The following NEK7 variants were observed in gnomAD, a reference collection of about 807,000 sequenced individuals.
NEK7 encodes serine/threonine-protein kinase Nek7.
In NEK7, 18 loss-of-function variants were observed where a neutral mutation model predicts 44.6. The ratio of observed to expected loss-of-function variants is 0.40; its 90% CI spans 0.28 to 0.60. The LOEUF is 0.60. Among genes scored for constraint, NEK7 ranks in the 20% least tolerant of loss-of-function variants. The pLI is 0.38. For synonymous variants in NEK7, 130 were observed against 121.1 expected (o/e 1.07, Z -0.48); for missense variants, 256 against 366.5 (o/e 0.70, Z 2.46).
intron 1 of NEK7, among the ~76,000 whole-genome samples, chr1:198,213,906 A>C (rs948867275): frequency 6.6e-6 from 1 of 152,190 alleles, no homozygotes; most frequent in Non-Finnish European, 1.5e-5. Context: ...AACCCAGTGT[A>C]TAAAATATTG....
chr1:198,280,547 C>T (rs1385094844), intron 7 of NEK7, among the ~76,000 whole-genome samples: 2 of 151,866 alleles, frequency 1.3e-5, no homozygotes, highest in Admixed American at 1.3e-4. Flanking sequence ...CTGATACTGC[C>T]TCTTGTAAAA....
At chr1:198,317,293 C>G (rs1371429067) in intron 9 of NEK7, among the ~76,000 whole-genome samples, 1 of 152,180 alleles carries the variant, frequency 6.6e-6, no homozygotes, top group Non-Finnish European at 1.5e-5. Context: ...CTCTGCCTGT[C>G]GCAAGGTCAC....
At chr1:198,190,657 G>A (rs16842554) in intron 1 of NEK7, among the ~76,000 whole-genome samples, 1 of 151,758 alleles carries the variant, frequency 6.6e-6, no homozygotes, top group Non-Finnish European at 1.5e-5. Flanking sequence ...TCTTATAAAT[G>A]CAAATGTATC....
intron 1 of NEK7, among the ~76,000 whole-genome samples, chr1:198,173,816 A>C (rs1459523827): frequency 6.6e-6 from 1 of 152,184 alleles, no homozygotes; most frequent in Non-Finnish European, 1.5e-5. Flanking sequence ...TTTTTATAGA[A>C]CATCGTAGAT....
At chr1:198,291,139 A>G (rs1420406231) in intron 7 of NEK7, among the ~76,000 whole-genome samples, 2 of 152,166 alleles carry the variant, frequency 1.3e-5, no homozygotes, top group African/African-American at 4.8e-5. Flanking sequence ...CAGGTTTCCC[A>G]GAGCTACTGG....
intron 1 of NEK7, among the ~76,000 whole-genome samples, chr1:198,197,131 A>G (rs1665264227): frequency 6.6e-6 from 1 of 152,184 alleles, no homozygotes; most frequent in African/African-American, 2.4e-5. Flanking sequence ...TAGTATATAA[A>G]TGGTATCTAC....
chr1:198,262,702 C>A lies in NEK7; in HGVS notation c.261+65C>A. The A allele has an allele frequency of 4.4e-6, 4 of 906,544 alleles. No individual in the cohort carries two copies. The East Asian group carries it at 7.6e-5, about 17-fold the overall frequency. The allele number at this position is 906,544 out of a possible 1,614,324, so 56.2% of individuals were successfully genotyped here. On this transcript the variant is annotated intron_variant, in intron 4 of 9. Coordinates refer to ENST00000367385, the MANE Select transcript of NEK7 (RefSeq NM_133494.3). ...TGATAAAAGTGATTTACTAAAATAT[C>A]ACACTTAAACACAAAAAGGTTTTTA...
At chr1:198,209,610 C>T (rs1665705685) in intron 1 of NEK7, among the ~76,000 whole-genome samples, 1 of 152,120 alleles carries the variant, frequency 6.6e-6, no homozygotes, top group Non-Finnish European at 1.5e-5. Context: ...ATATTTCATA[C>T]ATTTTAAAAT....
At chr1:198,257,225 T>G (rs144418098) in intron 3 of NEK7, among the ~76,000 whole-genome samples, 5 of 152,312 alleles carry the variant, frequency 3.3e-5, no homozygotes, top group African/African-American at 9.6e-5. Context: ...ATTGTTCAGA[T>G]TTACCTTTTG....
At chr1:198,225,962 T>C (rs191869158) in intron 1 of NEK7, among the ~76,000 whole-genome samples, 58 of 152,308 alleles carry the variant, frequency 3.8e-4, no homozygotes, top group Non-Finnish European at 6.5e-4. Flanking sequence ...CATGCGTACA[T>C]GCATTCATTC....
chr1:198,196,365 T>C (rs1322880689), intron 1 of NEK7, among the ~76,000 whole-genome samples: 2 of 152,222 alleles, frequency 1.3e-5, no homozygotes, highest in Admixed American at 1.3e-4. Flanking sequence ...GTGGAAAATG[T>C]ATTATTTACA....
At chr1:198,165,756 T>C (rs182075590) in intron 1 of NEK7, among the ~76,000 whole-genome samples, 1 of 152,298 alleles carries the variant, frequency 6.6e-6, no homozygotes, top group African/African-American at 2.4e-5. Context: ...CCAGAGCCTG[T>C]TCTTGAAGCT....
At chr1:198,225,255 C>CAAA (rs34192199) in intron 1 of NEK7, among the ~76,000 whole-genome samples, 3,793 of 133,088 alleles carry the variant, frequency 0.028, 89 homozygotes, top group African/African-American at 0.066. Flanking sequence ...GTGTAGGTTA[C>CAAA]AAAAAAAAAA....
Position 198,159,688 on chromosome 1 carries a change from T to C in NEK7, c.-29+2412T>C, listed in dbSNP as rs545337035. The stretch of plus-strand genomic sequence containing the variant: ...AATACATGTAGCACCCACCATTGCT[T>C]TCCCCCTTTCATATTTTCCTGTCTG... On this transcript the variant is annotated intron_variant, in intron 1 of 9. Coordinates refer to ENST00000367385, the MANE Select transcript of NEK7 (RefSeq NM_133494.3). Among the ~76,000 whole-genome samples the C allele has an allele frequency of 3.3e-4, 50 of 152,310 alleles. No individual in the cohort carries two copies. The South Asian group carries it at 0.01, about 31-fold the overall frequency.
intron 2 of NEK7, among the ~76,000 whole-genome samples, chr1:198,248,993 A>G (rs1465013568): frequency 1.3e-5 from 2 of 151,092 alleles, no homozygotes; most frequent in Admixed American, 6.6e-5. Flanking sequence ...GCACCCATTA[A>G]CACGTCATTT....
At chr1:198,231,332 T>TATATATAA (rs1666391734) in intron 1 of NEK7, among the ~76,000 whole-genome samples, 1 of 137,838 alleles carries the variant, frequency 7.3e-6, no homozygotes, top group Non-Finnish European at 1.5e-5. Flanking sequence ...TATATATATA[T>TATATATAA]ATATAAAAAC....
rs1257930675 is a variant in NEK7 at position 198,312,156 on chromosome 1, T to C, written c.799-7256T>C. ...ATTCAGAGATTCAACTTCTTCCTGG[T>C]TTAGTCTTGGGAGAGTGTATGTGTC... On this transcript the variant is annotated intron_variant, in intron 9 of 9. Transcript: ENST00000367385. Among the ~76,000 whole-genome samples, 11 of 152,272 alleles carry C rather than the reference T, an allele frequency of 7.2e-5. No individual in the cohort carries two copies. The East Asian group carries it at 1.7e-3, about 24-fold the overall frequency.
intron 9 of NEK7, among the ~76,000 whole-genome samples, chr1:198,317,883 T>TTTTTG (rs1553258433): frequency 4.7e-5 from 2 of 42,810 alleles, no homozygotes; most frequent in East Asian, 7.7e-3. Context: ...ATTTATTTTT[T>TTTTTG]TTTTTTTTTT....
At chr1:198,305,655 C>T (rs535255320) in intron 9 of NEK7, among the ~76,000 whole-genome samples, 8 of 152,224 alleles carry the variant, frequency 5.3e-5, no homozygotes, top group African/African-American at 1.4e-4. Flanking sequence ...AAAATTATCC[C>T]TCTAGTCATA....
Sources: allele counts gnomAD v4.1 joint callset (sites outside exome capture counted in the v4.1 genomes callset), GRCh38; gene constraint gnomAD v4.1.1; transcripts MANE v1.5; gene names NCBI Gene and HGNC (gene_info 2026-07-23, HGNC 2026-07-21).